The following VPS39 variants were observed in gnomAD, a reference collection of about 807,000 sequenced individuals.
VPS39 encodes vam6/Vps39-like protein.
VPS39 carries 70 observed loss-of-function variants against 121.0 expected under a neutral mutation model. That is an observed-to-expected ratio of 0.58 (90% confidence interval 0.48 to 0.71). VPS39 has a LOEUF of 0.71. VPS39 is among the 30% of genes least tolerant of loss of function. The pLI is 0.00. For missense variants in VPS39, 818 were observed against 1,051.5 expected (o/e 0.78, Z 3.07); for synonymous variants, 378 against 398.1 (o/e 0.95, Z 0.60).
At chr15:42,192,323 A>G (rs1595675949) in intron 2 of VPS39, among the ~76,000 whole-genome samples, 1 of 152,320 alleles carries the variant, frequency 6.6e-6, no homozygotes, top group Non-Finnish European at 1.5e-5. Context: ...ACTACTCCCA[A>G]GAAGTAGGTA....
chr15:42,182,438 CTT>C (rs952566109), intron 8 of VPS39, among the ~76,000 whole-genome samples: 4 of 152,198 alleles, frequency 2.6e-5, no homozygotes, highest in Non-Finnish European at 2.9e-5. Flanking sequence ...GTCTGGATCT[CTT>C]TATATCTCCA....
chr15:42,165,285 C>A (rs566164285), intron 17 of VPS39, 172 bp from the exon 18 acceptor site: 2 of 628,342 alleles, frequency 3.2e-6, no homozygotes, highest in Admixed American at 2.9e-5. Context: ...TTTCACAATG[C>A]GACCCAGTAA....
intron 11 of VPS39, among the ~76,000 whole-genome samples, chr15:42,172,557 T>C (rs1399860630): frequency 6.6e-6 from 1 of 152,218 alleles, no homozygotes; most frequent in African/African-American, 2.4e-5. Flanking sequence ...TACGTAGCAT[T>C]AGACAGCTAA....
chr15:42,179,634 TAAAAAAAAAAG>T (rs1373888231), intron 8 of VPS39, among the ~76,000 whole-genome samples: 1 of 139,650 alleles, frequency 7.2e-6, no homozygotes, highest in Non-Finnish European at 1.6e-5. Context: ...AAATAAAAAA[TAAAAAAAAAAG>T]AAATAAAAAA....
At chr15:42,189,991 T>C (rs997877250) in intron 4 of VPS39, among the ~76,000 whole-genome samples, 2 of 151,748 alleles carry the variant, frequency 1.3e-5, no homozygotes, top group African/African-American at 4.8e-5. Context: ...TTTTGTTTAT[T>C]TTTTGTGGAG....
At chr15:42,172,795 A>T (rs1043849496) in intron 11 of VPS39, among the ~76,000 whole-genome samples, 1 of 152,202 alleles carries the variant, frequency 6.6e-6, no homozygotes, top group Non-Finnish European at 1.5e-5. Flanking sequence ...GAATTCTTTC[A>T]ACTGTCATTA....
At chr15:42,191,584 G>A (rs753434270) in intron 2 of VPS39, 24 bp from the exon 3 acceptor site, 4 of 1,605,522 alleles carry the variant, frequency 2.5e-6, no homozygotes, top group Non-Finnish European at 2.6e-6. Context: ...ATAAACACTG[G>A]TAGTTCCAAA....
At chr15:42,161,442 G>C (rs573754484) in intron 24 of VPS39, 1 of 611,436 alleles carries the variant, frequency 1.6e-6, no homozygotes, top group South Asian at 1.7e-5. Flanking sequence ...GAGGGGAAGA[G>C]TTTTATGGAC....
At chr15:42,179,583 A>G (rs557921425) in intron 8 of VPS39, among the ~76,000 whole-genome samples, 18 of 82,836 alleles carry the variant, frequency 2.2e-4, no homozygotes, top group African/African-American at 2.9e-4. Context: ...CTCAATAAAT[A>G]AATAAATAAA....
At chr15:42,167,966 G>A (rs2049277845) in intron 12 of VPS39, among the ~76,000 whole-genome samples, 1 of 152,196 alleles carries the variant, frequency 6.6e-6, no homozygotes, top group African/African-American at 2.4e-5. Context: ...TGTACCATCA[G>A]ATACATTTTG....
chr15:42,173,524 G>A, intron 11 of VPS39, 199 bp downstream of exon 11: 1 of 539,316 alleles, frequency 1.9e-6, no homozygotes, highest in Non-Finnish European at 3.0e-6. Flanking sequence ...CACATTTATT[G>A]AGAAGACCAG....
intron 2 of VPS39, among the ~76,000 whole-genome samples, 194 bp from the exon 3 acceptor site, chr15:42,191,754 G>C (rs1355799824): frequency 1.3e-5 from 2 of 152,194 alleles, no homozygotes; most frequent in Non-Finnish European, 2.9e-5. Context: ...TTTTAGAGCA[G>C]AGCGTTTCAT....
intron 1 of VPS39, among the ~76,000 whole-genome samples, chr15:42,206,770 A>G (rs2050181447): frequency 6.6e-6 from 1 of 152,126 alleles, no homozygotes; most frequent in Non-Finnish European, 1.5e-5. Flanking sequence ...CTTATTCATC[A>G]TTGTATTACT....
rs551666623 is a variant in VPS39 at position 42,162,078 on chromosome 15, C to A, written c.2414G>T (p.Arg805Leu). 2 of 1,614,026 alleles carry A rather than the reference C, an allele frequency of 1.2e-6. No individual in the cohort carries two copies. The highest frequency in any genetic ancestry group is 1.7e-6 in the Non-Finnish European group (2 of 1,180,040). ...KVLEENAQKK[R>L]FNQVLKNLLH... ...AAGGTTCTTGAGCACTTGATTGAAC[C>A]GTTTCTTTTGTGCATTTTCTTCCAA... Residue 805 changes from arginine (R) to leucine (L), a missense_variant, in exon 23 of 25, where the codon CGG becomes CTG. Physicochemically the swap from Arg to Leu is moderately radical, Grantham distance 102. Coordinates refer to ENST00000318006, the MANE Select transcript of VPS39 (RefSeq NM_015289.5).
At chr15:42,188,275 G>A (rs2049746515) in intron 5 of VPS39, among the ~76,000 whole-genome samples, 1 of 152,194 alleles carries the variant, frequency 6.6e-6, no homozygotes, top group Non-Finnish European at 1.5e-5. Context: ...AAGGAAAAGA[G>A]TATTCCTAAG....
chr15:42,183,068 C>T (rs2049617160), intron 8 of VPS39, among the ~76,000 whole-genome samples: 1 of 151,850 alleles, frequency 6.6e-6, no homozygotes, highest in African/African-American at 2.4e-5. Context: ...TCTCTAACCA[C>T]AACCAGAACA....
chr15:42,167,337 T>C lies in VPS39; in HGVS notation c.1377+57A>G, dbSNP rs2049263866. 3.7e-6 allele frequency: 6 copies of C among 1,600,528 alleles called. No individual in the cohort carries two copies. In the South Asian group the frequency reaches 6.8e-5, roughly 18 times the overall value. ...TCAGGGTCTAGCACTCCCTTTTACT[T>C]TCCCAGACTGTCAGGGTAACTGGGA... is the stretch of plus-strand genomic sequence containing the variant. On this transcript the variant is annotated intron_variant, in intron 13 of 24. Coordinates refer to ENST00000318006, the MANE Select transcript of VPS39 (RefSeq NM_015289.5).
intron 1 of VPS39, among the ~76,000 whole-genome samples, chr15:42,201,933 G>A (rs602270): frequency 6.6e-6 from 1 of 152,152 alleles, no homozygotes; most frequent in African/African-American, 2.4e-5. Context: ...AAACGCATCT[G>A]TTATTTCACT....
intron 21 of VPS39, 125 bp downstream of exon 21, chr15:42,163,225 G>T (rs546464829): frequency 7.6e-6 from 9 of 1,182,338 alleles, no homozygotes; most frequent in Middle Eastern, 1.9e-4. Flanking sequence ...ATACACACAT[G>T]CAAGATCAAT....
Sources: gnomAD v4.1 joint callset for allele counts (sites outside exome capture counted in the v4.1 genomes callset) on GRCh38, gnomAD v4.1.1 for gene constraint, MANE v1.5 for transcripts, NCBI Gene and HGNC (gene_info 2026-07-23, HGNC 2026-07-21) for gene names.